Variants in TIAM1 observed in about 807,000 individuals in gnomAD.
TIAM1 encodes TIAM Rac1 associated GEF 1.
In TIAM1, 65 loss-of-function variants were observed where a neutral mutation model predicts 163.5. The observed-to-expected ratio is 0.40, with a 90% CI of 0.33 to 0.49. TIAM1 has a LOEUF of 0.49. Ranked by LOEUF, TIAM1 falls within the 20% of genes least tolerant of loss-of-function variation. The probability of loss-of-function intolerance (pLI) is 0.77; values close to 1 mark genes in which losing one functional copy is unlikely to be tolerated. For missense variants in TIAM1, 1,789 were observed against 2,044.7 expected (o/e 0.87, Z 2.41); for synonymous variants, 833 against 810.1 (o/e 1.03, Z -0.48).
intron 1 of TIAM1, among the ~76,000 whole-genome samples, chr21:31,549,047 G>C (rs1038511395): frequency 6.6e-6 from 1 of 152,126 alleles, no homozygotes; most frequent in South Asian, 2.1e-4. Flanking sequence ...TGATACCAAA[G>C]GTAGTTCACT....
chr21:31,211,746 T>C (rs1002322974), intron 10 of TIAM1, among the ~76,000 whole-genome samples: 10 of 152,206 alleles, frequency 6.6e-5, no homozygotes, highest in African/African-American at 2.4e-4. Context: ...ATTGGAATAT[T>C]CAGACTCTGT....
chr21:31,503,843 G>C (rs1382190319), intron 1 of TIAM1, among the ~76,000 whole-genome samples: 3 of 151,040 alleles, frequency 2.0e-5, no homozygotes, highest in South Asian at 2.1e-4. Context: ...AAAATAAATA[G>C]GTTAATTTAT....
intron 4 of TIAM1, among the ~76,000 whole-genome samples, chr21:31,257,876 T>C (rs964965): frequency 0.26 from 38,314 of 148,378 alleles, 5,211 homozygotes; most frequent in African/African-American, 0.33. Context: ...CATGCCAACC[T>C]CTCCACAGCA....
chr21:31,125,732 G>A (rs1568868827), intron 26 of TIAM1, among the ~76,000 whole-genome samples: 1 of 152,204 alleles, frequency 6.6e-6, no homozygotes, highest in Non-Finnish European at 1.5e-5. Flanking sequence ...CTGCCACCAG[G>A]CATGGCTAAC....
intron 2 of TIAM1, among the ~76,000 whole-genome samples, chr21:31,281,072 T>A (rs1207599239): frequency 2.8e-5 from 3 of 107,802 alleles, no homozygotes; most frequent in African/African-American, 3.8e-5. Flanking sequence ...GGCAACAAAG[T>A]GAGACCCTAA....
At chr21:31,151,072 A>C (rs1205471598) in intron 19 of TIAM1, among the ~76,000 whole-genome samples, 1 of 152,232 alleles carries the variant, frequency 6.6e-6, no homozygotes, top group Non-Finnish European at 1.5e-5. Context: ...AGCTAAAAAG[A>C]GAAAGTGACT....
At chr21:31,263,485 C>G (rs185279798) in intron 4 of TIAM1, among the ~76,000 whole-genome samples, 1 of 152,180 alleles carries the variant, frequency 6.6e-6, no homozygotes, top group Admixed American at 6.5e-5. Flanking sequence ...GGTGACAAGC[C>G]AAAGAATAGA....
chr21:31,274,061 CA>C, intron 3 of TIAM1, among the ~76,000 whole-genome samples: 1 of 152,136 alleles, frequency 6.6e-6, no homozygotes, highest in African/African-American at 2.4e-5. Flanking sequence ...TACAAAAATA[CA>C]AAAATTAGCC....
At chr21:31,451,708 CATGTGTGTGCGT>C (rs1306992333) in intron 2 of TIAM1, among the ~76,000 whole-genome samples, 1 of 32,374 alleles carries the variant, frequency 3.1e-5, no homozygotes, top group Non-Finnish European at 8.0e-5. Context: ...TGAGTGAAAG[CATGTGTGTGCGT>C]GTGTGTGTGT....
intron 2 of TIAM1, among the ~76,000 whole-genome samples, chr21:31,286,681 C>G (rs2073822588): frequency 6.6e-6 from 1 of 152,136 alleles, no homozygotes; most frequent in African/African-American, 2.4e-5. Flanking sequence ...CCATGGTACT[C>G]CACCCTAGGC....
At chr21:31,359,891 G>T (rs949804365) in intron 2 of TIAM1, among the ~76,000 whole-genome samples, 3 of 151,744 alleles carry the variant, frequency 2.0e-5, no homozygotes, top group African/African-American at 7.3e-5. Context: ...GACAATGAAA[G>T]GATGTAATAT....
chr21:31,542,701 T>C (rs1050349359), intron 1 of TIAM1, among the ~76,000 whole-genome samples: 13 of 152,126 alleles, frequency 8.5e-5, no homozygotes, highest in Admixed American at 8.5e-4. Flanking sequence ...TTGGGCACAG[T>C]AATGCCTGTA....
intron 2 of TIAM1, among the ~76,000 whole-genome samples, chr21:31,364,540 C>T (rs963254375): frequency 4.6e-5 from 7 of 152,180 alleles, no homozygotes; most frequent in African/African-American, 1.4e-4. Flanking sequence ...TGAGAAAGCA[C>T]TGAGACATCA....
chr21:31,429,998 G>C (rs1457773780), intron 2 of TIAM1, among the ~76,000 whole-genome samples: 1 of 151,892 alleles, frequency 6.6e-6, no homozygotes, highest in Non-Finnish European at 1.5e-5. Context: ...TTGAGGTCAG[G>C]AGTTCAAGAC....
intron 15 of TIAM1, 50 bp downstream of exon 15, chr21:31,182,371 C>A (rs751035661): frequency 2.8e-6 from 4 of 1,426,962 alleles, no homozygotes; most frequent in South Asian, 1.6e-5. Context: ...CTCCCCGGGT[C>A]GTGGCACAAC....
chr21:31,219,335 G>T (rs2087414573), intron 8 of TIAM1, among the ~76,000 whole-genome samples: 1 of 152,170 alleles, frequency 6.6e-6, no homozygotes, highest in South Asian at 2.1e-4. Context: ...AGGAGGAACA[G>T]CGAGTCAGAC....
At chr21:31,291,061 A>T (rs950715758) in intron 2 of TIAM1, among the ~76,000 whole-genome samples, 2 of 152,228 alleles carry the variant, frequency 1.3e-5, no homozygotes, top group African/African-American at 4.8e-5. Flanking sequence ...GAAGAAAATT[A>T]TAAGACAGAA....
intron 13 of TIAM1, 103 bp downstream of exon 13, chr21:31,195,121 G>T: frequency 1.2e-6 from 1 of 863,464 alleles, no homozygotes; most frequent in Non-Finnish European, 1.9e-6. Flanking sequence ...TATACTATCT[G>T]TTTTAGATAG....
Position 31,355,947 on chromosome 21 carries a change from G to C in TIAM1, c.-368-16525C>G, listed in dbSNP as rs530960892. On this transcript the variant is annotated intron_variant, in intron 2 of 28. Transcript: ENST00000286827. ...TAGAACATAAGCCCCACAAGAGCAG[G>C]CACTTTTATCCATTTTGCTCACAGT... Among the ~76,000 whole-genome samples, 4 of 152,166 alleles carry C rather than the reference G, an allele frequency of 2.6e-5. No homozygotes were observed. The South Asian group carries it at 8.3e-4, about 32-fold the overall frequency.
Sources: allele counts gnomAD v4.1 joint callset (sites outside exome capture counted in the v4.1 genomes callset), GRCh38; gene constraint gnomAD v4.1.1; transcripts MANE v1.5; gene names NCBI Gene and HGNC (gene_info 2026-07-23, HGNC 2026-07-21).